Variants in BTBD16 observed in about 807,000 individuals in gnomAD.
BTBD16 encodes the protein BTB domain containing 16, also known as BTB/POZ domain-containing protein 16.
In BTBD16, 66 loss-of-function variants were observed where a neutral mutation model predicts 67.4. The ratio of observed to expected loss-of-function variants is 0.98; its 90% CI spans 0.80 to 1.20. BTBD16 has a LOEUF of 1.20. BTBD16 is among the 50% of genes most tolerant of loss of function. The probability of loss-of-function intolerance (pLI) is 0.00; values close to 1 mark genes in which losing one functional copy is unlikely to be tolerated. For missense variants in BTBD16, 634 were observed against 616.0 expected, an observed-to-expected ratio of 1.03 and a Z score of -0.31; for synonymous variants, 242 against 236.4, an observed-to-expected ratio of 1.02 and a Z score of -0.22.
chr10:122,286,075 T>A, intron 4 of BTBD16, 30 bp from the exon 5 acceptor site: 1 of 1,600,844 alleles, frequency 6.2e-7, no homozygotes, highest in Non-Finnish European at 8.5e-7. Flanking sequence ...GTTACTGATG[T>A]GTTTGCTCAG....
chr10:122,305,310 TCA>T (rs1321036867), intron 9 of BTBD16, among the ~76,000 whole-genome samples: 14 of 152,354 alleles, frequency 9.2e-5, no homozygotes, highest in African/African-American at 2.2e-4. Flanking sequence ...CCACCAAATC[TCA>T]CATTGAATTG....
intron 9 of BTBD16, among the ~76,000 whole-genome samples, chr10:122,304,550 CTTTTTTT>C (rs3037891): frequency 1.0e-5 from 1 of 95,468 alleles, no homozygotes; most frequent in Admixed American, 1.2e-4. Context: ...AGCAGGTATT[CTTTTTTT>C]TTTTTTTTTT....
At chr10:122,290,551 C>T (rs1326248507) in intron 6 of BTBD16, among the ~76,000 whole-genome samples, 1 of 152,128 alleles carries the variant, frequency 6.6e-6, no homozygotes, top group East Asian at 1.9e-4. Context: ...GGCCATTTGT[C>T]GCCAGAGGAC....
chr10:122,326,592 G>A (rs556842326), intron 10 of BTBD16, among the ~76,000 whole-genome samples: 1 of 152,288 alleles, frequency 6.6e-6, no homozygotes, highest in East Asian at 1.9e-4. Context: ...TAGAGGAAGT[G>A]AGAAAGTTGT....
At chr10:122,313,276 T>G (rs1208018190) in intron 10 of BTBD16, among the ~76,000 whole-genome samples, 2 of 151,194 alleles carry the variant, frequency 1.3e-5, no homozygotes, top group Non-Finnish European at 3.0e-5. Flanking sequence ...TTTTTGTTTT[T>G]TTTTTTGAGA....
chr10:122,312,400 C>T (rs1237679853), intron 10 of BTBD16, among the ~76,000 whole-genome samples: 1 of 151,148 alleles, frequency 6.6e-6, no homozygotes, highest in African/African-American at 2.4e-5. Flanking sequence ...GCAACCTCCA[C>T]CTCCCGGGTT....
intron 13 of BTBD16, among the ~76,000 whole-genome samples, chr10:122,334,483 C>G (rs796933243): frequency 4.7e-5 from 6 of 127,040 alleles, no homozygotes; most frequent in African/African-American, 1.8e-4. Context: ...GTGTGAGCCA[C>G]CGTGCCCGGC....
At chr10:122,315,870 A>C (rs751048487) in intron 10 of BTBD16, among the ~76,000 whole-genome samples, 107 of 152,334 alleles carry the variant, frequency 7.0e-4, no homozygotes, top group Non-Finnish European at 1.4e-3. Flanking sequence ...CTAATGCTTC[A>C]ATTTGATGAG....
At chr10:122,308,918 G>A (rs1396427959) in intron 10 of BTBD16, among the ~76,000 whole-genome samples, 1 of 152,152 alleles carries the variant, frequency 6.6e-6, no homozygotes, top group Non-Finnish European at 1.5e-5. Context: ...GCTTCCCCCA[G>A]TCCCTGCCTG....
intron 7 of BTBD16, among the ~76,000 whole-genome samples, chr10:122,294,832 G>C (rs2096380175): frequency 6.6e-6 from 1 of 152,238 alleles, no homozygotes; most frequent in South Asian, 2.1e-4. Context: ...GGAAGGGGAA[G>C]CATAAGAGAA....
intron 10 of BTBD16, among the ~76,000 whole-genome samples, chr10:122,309,565 G>A (rs1242127203): frequency 9.2e-5 from 14 of 151,716 alleles, no homozygotes; most frequent in African/African-American, 2.7e-4. Context: ...GAATGGTCTC[G>A]ATCTCTTGAC....
chr10:122,305,309 C>A (rs1458723010), intron 9 of BTBD16, among the ~76,000 whole-genome samples: 1 of 152,194 alleles, frequency 6.6e-6, no homozygotes. Context: ...CCCACCAAAT[C>A]TCACATTGAA....
chr10:122,291,088 A>T lies in BTBD16; in HGVS notation c.484A>T (p.Thr162Ser), dbSNP rs1256825435. 1 of 1,611,034 alleles carries T rather than the reference A, an allele frequency of 6.2e-7. No individual in the cohort carries two copies. Among genetic ancestry groups the T allele is most frequent in the African/African-American group, 1.3e-5 (1 of 74,806 alleles). ...TGGCTGTGCCTCCCCAGCCTTCGCCACGGCCCTGAAGAACCTCTACATGAG... is the reference window on the plus strand; with the variant it reads ...TGGCTGTGCCTCCCCAGCCTTCGCCTCGGCCCTGAAGAACCTCTACATGAG... ...DPLVTKVAFA[T>S]ALKNLYMSEV... The change falls in exon 7 of 16, where the codon ACG becomes TCG. Residue 162 changes from threonine (T) to serine (S), a missense_variant. Transcript: ENST00000260723.
chr10:122,294,075 C>T (rs2096378836), intron 7 of BTBD16: 1 of 960,700 alleles, frequency 1.0e-6, no homozygotes, highest in African/African-American at 1.8e-5. Flanking sequence ...TTGCCTGAAG[C>T]TGATGGGACC....
At chr10:122,325,680 A>AT (rs1055356880) in intron 10 of BTBD16, among the ~76,000 whole-genome samples, 290 of 146,134 alleles carry the variant, frequency 2.0e-3, no homozygotes, top group South Asian at 3.9e-3. Flanking sequence ...AGATAGATAG[A>AT]TTTTTTTTTT....
chr10:122,334,834 TA>T, intron 13 of BTBD16, 46 bp from the exon 14 acceptor site: 2 of 1,232,862 alleles, frequency 1.6e-6, no homozygotes, highest in Non-Finnish European at 2.4e-6. Context: ...CTTTGAATAC[TA>T]AATATTTTCC....
At position 122,304,998 on chromosome 10, in the gene BTBD16, C is replaced by T. The variant is rs115238199; in HGVS notation, c.792-2191C>T. Among the ~76,000 whole-genome samples, 884 of 152,308 alleles carry T rather than the reference C, an allele frequency of 5.8e-3. 8 individuals are homozygous for T. Among genetic ancestry groups the T allele is most frequent in the African/African-American group, 0.021 (857 of 41,584 alleles). Reference sequence around the variant, plus strand: ...TGAGCATGTCATGATGTGCCAGGCACTGTACTAAGCACTTTGTATGTATGC... The same window carrying T: ...TGAGCATGTCATGATGTGCCAGGCATTGTACTAAGCACTTTGTATGTATGC... On this transcript the variant is annotated intron_variant, in intron 9 of 15. Coordinates refer to ENST00000260723, the MANE Select transcript of BTBD16 (RefSeq NM_144587.5).
At chr10:122,337,943 CCT>C in intron 15 of BTBD16, 72 bp from the exon 16 acceptor site, 1 of 1,267,980 alleles carries the variant, frequency 7.9e-7, no homozygotes, top group Non-Finnish European at 1.1e-6. Context: ...GTTAGTCCTT[CCT>C]CTTTCCCCTT....
intron 10 of BTBD16, among the ~76,000 whole-genome samples, chr10:122,327,794 G>GATCC (rs535791467): frequency 1.8e-4 from 28 of 152,314 alleles, no homozygotes; most frequent in African/African-American, 6.0e-4. Context: ...GAGGATCAGG[G>GATCC]TCTCGGTTCC....
Sources: allele counts gnomAD v4.1 joint callset (sites outside exome capture counted in the v4.1 genomes callset), GRCh38; gene constraint gnomAD v4.1.1; transcripts MANE v1.5; gene names NCBI Gene and HGNC (gene_info 2026-07-23, HGNC 2026-07-21).